GABRB1: variants seen among roughly 807,000 people sequenced by gnomAD.
GABRB1 encodes gamma-aminobutyric acid type A receptor subunit beta1.
GABRB1 carries 17 observed loss-of-function variants against 51.6 expected under a neutral mutation model. The observed-to-expected ratio is 0.33, with a 90% CI of 0.23 to 0.49. GABRB1 has a LOEUF of 0.49. Among genes scored for constraint, GABRB1 ranks in the 20% least tolerant of loss-of-function variants. The pLI, the probability that GABRB1 is intolerant of heterozygous loss-of-function variation, is 0.99. For synonymous variants in GABRB1, 247 were observed against 218.9 expected (o/e 1.13, Z -1.14); for missense variants, 410 against 600.6 (o/e 0.68, Z 3.32).
intron 4 of GABRB1, among the ~76,000 whole-genome samples, chr4:47,293,030 T>TTATCAATAACAATTTA (rs544583288): frequency 2.0e-5 from 3 of 152,352 alleles, no homozygotes; most frequent in African/African-American, 4.8e-5. Context: ...CAATAACATT[T>TTATCAATAACAATTTA]TATCAATAAC....
chr4:47,254,251 C>T (rs538633700), intron 4 of GABRB1, among the ~76,000 whole-genome samples: 1 of 151,898 alleles, frequency 6.6e-6, no homozygotes, highest in Non-Finnish European at 1.5e-5. Flanking sequence ...TCCAGTAACC[C>T]TGATACCCCT....
intron 5 of GABRB1, among the ~76,000 whole-genome samples, chr4:47,350,034 T>C (rs1280477168): frequency 6.6e-6 from 1 of 151,974 alleles, no homozygotes; most frequent in Non-Finnish European, 1.5e-5. Flanking sequence ...TAATCTATAC[T>C]TTCACAATAT....
chr4:47,361,649 T>G (rs1298814413), intron 5 of GABRB1, among the ~76,000 whole-genome samples: 1 of 152,110 alleles, frequency 6.6e-6, no homozygotes, highest in African/African-American at 2.4e-5. Context: ...AAAATGGTTA[T>G]GGCAGTGGTG....
intron 5 of GABRB1, among the ~76,000 whole-genome samples, chr4:47,331,426 A>G (rs536739151): frequency 6.6e-6 from 1 of 152,116 alleles, no homozygotes; most frequent in Non-Finnish European, 1.5e-5. Context: ...AGTTAGCCTC[A>G]TAGTTGTTCA....
At chr4:47,010,317 G>T (rs1724548233) in intron 1 of GABRB1, among the ~76,000 whole-genome samples, 2 of 152,284 alleles carry the variant, frequency 1.3e-5, no homozygotes, top group East Asian at 3.9e-4. Context: ...AGACCCATTT[G>T]CTGACTATTA....
chr4:47,126,332 A>G (rs1417006376), intron 3 of GABRB1, among the ~76,000 whole-genome samples: 1 of 152,204 alleles, frequency 6.6e-6, no homozygotes. Context: ...TGCGTTCTAA[A>G]GACCTAATGT....
chr4:47,058,819 C>T (rs1726730408), intron 3 of GABRB1, among the ~76,000 whole-genome samples: 2 of 152,212 alleles, frequency 1.3e-5, no homozygotes, highest in East Asian at 3.9e-4. Flanking sequence ...TTGTCCACCC[C>T]AGTAGATATA....
At chr4:47,120,509 T>C (rs1470920321) in intron 3 of GABRB1, among the ~76,000 whole-genome samples, 6 of 152,092 alleles carry the variant, frequency 3.9e-5, no homozygotes, top group Non-Finnish European at 8.8e-5. Flanking sequence ...AAAATCCCCT[T>C]TACTCTTTCC....
At chr4:47,087,727 T>C (rs1253925038) in intron 3 of GABRB1, among the ~76,000 whole-genome samples, 2 of 152,216 alleles carry the variant, frequency 1.3e-5, no homozygotes, top group Admixed American at 1.3e-4. Context: ...AGCATGTAGA[T>C]GAATCAGAAT....
chr4:47,399,455 G>C (rs1303979047), intron 5 of GABRB1, among the ~76,000 whole-genome samples: 2 of 151,258 alleles, frequency 1.3e-5, no homozygotes, highest in East Asian at 3.8e-4. Flanking sequence ...TTGATTTTCT[G>C]TGCCTCCTTA....
intron 4 of GABRB1, among the ~76,000 whole-genome samples, chr4:47,214,156 A>T (rs980185945): frequency 6.6e-6 from 1 of 152,174 alleles, no homozygotes; most frequent in Non-Finnish European, 1.5e-5. Flanking sequence ...CTGTGGGAAT[A>T]GTGTCTTAAC....
intron 1 of GABRB1, among the ~76,000 whole-genome samples, chr4:47,007,721 C>T (rs1427732433): frequency 1.3e-5 from 2 of 151,822 alleles, no homozygotes; most frequent in African/African-American, 4.8e-5. Context: ...CAATAGATAA[C>T]CAGAGAATCT....
intron 1 of GABRB1, among the ~76,000 whole-genome samples, chr4:47,017,285 T>C (rs1226748057): frequency 6.6e-6 from 1 of 152,236 alleles, no homozygotes; most frequent in African/African-American, 2.4e-5. Flanking sequence ...ATGACACAAC[T>C]GTCAGGGAAA....
chr4:47,364,109 A>G (rs567999419), intron 5 of GABRB1, among the ~76,000 whole-genome samples: 83 of 152,220 alleles, frequency 5.5e-4, no homozygotes, highest in Non-Finnish European at 9.8e-4. Context: ...CAGAGACACA[A>G]TATAACAGCA....
At chr4:47,051,990 G>A (rs1726369030) in intron 3 of GABRB1, among the ~76,000 whole-genome samples, 1 of 152,104 alleles carries the variant, frequency 6.6e-6, no homozygotes, top group African/African-American at 2.4e-5. Context: ...TCAGCCGGGT[G>A]TGGTGTCACA....
At chr4:47,277,783 T>G (rs1723142768) in intron 4 of GABRB1, among the ~76,000 whole-genome samples, 1 of 152,098 alleles carries the variant, frequency 6.6e-6, no homozygotes, top group Non-Finnish European at 1.5e-5. Flanking sequence ...TATTTCCTAC[T>G]TCAAAATTAT....
intron 4 of GABRB1, among the ~76,000 whole-genome samples, chr4:47,285,130 C>A (rs549271626): frequency 2.0e-5 from 3 of 152,270 alleles, no homozygotes; most frequent in Admixed American, 6.5e-5. Flanking sequence ...ATTGAAATTG[C>A]AGAAATGAAT....
chr4:47,219,872 G>A (rs1258315377), intron 4 of GABRB1, among the ~76,000 whole-genome samples: 1 of 151,650 alleles, frequency 6.6e-6, no homozygotes, highest in African/African-American at 2.4e-5. Context: ...ATTTTTTTCA[G>A]TTCTTTCAGA....
At chr4:47,246,329 CATATGT>C (rs1208782383) in intron 4 of GABRB1, among the ~76,000 whole-genome samples, 103 of 28,960 alleles carry the variant, frequency 3.6e-3, no homozygotes, top group African/African-American at 5.7e-3. Context: ...CACACACACA[CATATGT>C]ACATATATAT....
Sources: gnomAD v4.1 joint callset for allele counts (sites outside exome capture counted in the v4.1 genomes callset) on GRCh38, gnomAD v4.1.1 for gene constraint, MANE v1.5 for transcripts, NCBI Gene and HGNC (gene_info 2026-07-23, HGNC 2026-07-21) for gene names.